Variants in NECTIN3 observed in about 807,000 individuals in gnomAD.
NECTIN3 encodes nectin-3.
A neutral mutation model predicts 49.4 loss-of-function variants in NECTIN3; 8 were observed. That is an observed-to-expected ratio of 0.16 (90% confidence interval 0.10 to 0.29). The LOEUF is 0.29. NECTIN3 is among the 10% of genes least tolerant of loss of function. The pLI, the probability that NECTIN3 is intolerant of heterozygous loss-of-function variation, is 1.00. For missense variants in NECTIN3, 581 were observed against 654.6 expected, an observed-to-expected ratio of 0.89 and a Z score of 1.23; for synonymous variants, 277 against 241.1, an observed-to-expected ratio of 1.15 and a Z score of -1.38.
chr3:111,123,706 A>AT (rs1355509921), intron 4 of NECTIN3, among the ~76,000 whole-genome samples: 3 of 151,352 alleles, frequency 2.0e-5, no homozygotes, highest in Admixed American at 1.3e-4. Flanking sequence ...TGAACTCCAA[A>AT]TTTTTTTTTG....
downstream of NECTIN3, among the ~76,000 whole-genome samples, chr3:111,140,148 A>G: frequency 6.6e-6 from 1 of 151,932 alleles, no homozygotes. Flanking sequence ...TGGAAGAAGT[A>G]GATTGTTTGG....
At chr3:111,126,146 A>G (rs1055803749) in intron 4 of NECTIN3, 38 bp from the exon 5 acceptor site, 8 of 1,437,462 alleles carry the variant, frequency 5.6e-6, no homozygotes, top group Non-Finnish European at 7.4e-6. Context: ...ATATAGTCTG[A>G]AGATATTTAA....
At chr3:111,118,576 A>G in intron 2 of NECTIN3, 80 bp from the exon 3 acceptor site, 1 of 1,277,814 alleles carries the variant, frequency 7.8e-7, no homozygotes, top group Non-Finnish European at 1.1e-6. Flanking sequence ...AGCTTGTGAA[A>G]TATGTTTAGA....
intron 7 of NECTIN3, among the ~76,000 whole-genome samples, chr3:111,175,027 G>A (rs2107528752): frequency 6.6e-6 from 1 of 152,188 alleles, no homozygotes; most frequent in Non-Finnish European, 1.5e-5. Context: ...GATGGATGGG[G>A]AGCTGGCAGC....
At chr3:111,104,267 C>CT (rs1165213840) in intron 1 of NECTIN3, among the ~76,000 whole-genome samples, 1 of 141,428 alleles carries the variant, frequency 7.1e-6, no homozygotes, top group Non-Finnish European at 1.5e-5. Flanking sequence ...TGTTGATCAT[C>CT]TTTTCATGTG....
chr3:111,171,911 TAAAG>T (rs770926850), intron 7 of NECTIN3, among the ~76,000 whole-genome samples: 2 of 152,150 alleles, frequency 1.3e-5, no homozygotes, highest in Admixed American at 6.5e-5. Flanking sequence ...TTTTATGAAA[TAAAG>T]AAACATTGAG....
intron 7 of NECTIN3, among the ~76,000 whole-genome samples, chr3:111,155,915 A>T (rs2035089304): frequency 1.3e-5 from 2 of 152,194 alleles, no homozygotes; most frequent in African/African-American, 4.8e-5. Flanking sequence ...ACCTATTTAC[A>T]TGAAAATACT....
intron 7 of NECTIN3, among the ~76,000 whole-genome samples, chr3:111,159,711 G>A (rs866347078): frequency 9.2e-5 from 14 of 152,158 alleles, no homozygotes; most frequent in Middle Eastern, 3.4e-3. Flanking sequence ...AAAACACTTC[G>A]ATTAACAATT....
chr3:111,150,070 A>T (rs958963775), intron 7 of NECTIN3, among the ~76,000 whole-genome samples: 5 of 152,198 alleles, frequency 3.3e-5, no homozygotes, highest in East Asian at 1.9e-4. Flanking sequence ...AAAATCTGAA[A>T]GAAAATGTAA....
intron 1 of NECTIN3, among the ~76,000 whole-genome samples, chr3:111,080,505 C>G (rs1200637141): frequency 6.6e-6 from 1 of 152,078 alleles, no homozygotes; most frequent in Non-Finnish European, 1.5e-5. Flanking sequence ...ACTACTGTTG[C>G]TTTGCTGCCC....
At chr3:111,138,508 A>G (rs2034653884), downstream of NECTIN3, among the ~76,000 whole-genome samples, 1 of 151,576 alleles carries the variant, frequency 6.6e-6, no homozygotes, top group African/African-American at 2.4e-5. Context: ...TGACTTGAGT[A>G]GTGTTAGGTT....
exon 6 of NECTIN3, chr3:111,144,942 G>A (rs1015732731): frequency 4.6e-6 from 7 of 1,536,032 alleles, no homozygotes; most frequent in Non-Finnish European, 6.1e-6. Context: ...TAGCTGGAGC[G>A]GTAATTGGAG....
At chr3:111,121,913 G>T (rs1391058992) in intron 3 of NECTIN3, among the ~76,000 whole-genome samples, 1 of 152,118 alleles carries the variant, frequency 6.6e-6, no homozygotes, top group Non-Finnish European at 1.5e-5. Context: ...AGAATTGCCT[G>T]TTTGGGGGGT....
Position 111,122,165 on chromosome 3 carries a change from G to C in NECTIN3, c.844G>C (p.Val282Leu), listed in dbSNP as rs1373736360. 2.0e-5 allele frequency: 32 copies of C among 1,613,506 alleles called. No individual in the cohort carries two copies. Among genetic ancestry groups the C allele is most frequent in the Non-Finnish European group, 2.7e-5 (32 of 1,179,620 alleles). ...AACAGGATATGATGGAAATTGGTTT[G>C]TAGGAAGAAAAGGTGTTAATCTCAA... ...SVTGYDGNWF[V>L]GRKGVNLKCN... The change falls in exon 4 of 6, where the codon GTA (valine) becomes CTA (leucine). Residue 282 changes from valine (V) to leucine (L), a missense_variant. By Grantham distance (32) the Val-to-Leu change is conservative. This residue lies in a region of NECTIN3 where 234 missense variants were observed against 340.6 expected (regional missense o/e 0.69). Coordinates refer to ENST00000485303, the MANE Select transcript of NECTIN3 (RefSeq NM_015480.3).
chr3:111,075,680 G>T (rs2031137916), intron 1 of NECTIN3, among the ~76,000 whole-genome samples: 2 of 152,076 alleles, frequency 1.3e-5, no homozygotes, highest in South Asian at 4.1e-4. Flanking sequence ...TCTTAGCCCA[G>T]TGATCTTCAA....
At chr3:111,105,349 T>G (rs1167439486) in intron 1 of NECTIN3, among the ~76,000 whole-genome samples, 1 of 152,012 alleles carries the variant, frequency 6.6e-6, no homozygotes, top group Non-Finnish European at 1.5e-5. Context: ...CCCAGGCTGG[T>G]CTTAAATTCC....
chr3:111,158,877 A>C (rs1347294224), intron 7 of NECTIN3, among the ~76,000 whole-genome samples: 3 of 152,186 alleles, frequency 2.0e-5, no homozygotes, highest in Non-Finnish European at 4.4e-5. Context: ...TATATGAAGA[A>C]GTCTTACAAC....
intron 1 of NECTIN3, among the ~76,000 whole-genome samples, chr3:111,085,862 G>C (rs748721080): frequency 1.3e-5 from 2 of 151,770 alleles, no homozygotes; most frequent in African/African-American, 2.4e-5. Flanking sequence ...TGGTATTGCT[G>C]GTTCATATTA....
chr3:111,110,920 C>T (rs2169644), intron 1 of NECTIN3, among the ~76,000 whole-genome samples: 4,444 of 151,420 alleles, frequency 0.029, 107 homozygotes, highest in Non-Finnish European at 0.045. Context: ...TTTTTTTTAC[C>T]ATATTTGGAT....
Sources: gnomAD v4.1 joint callset for allele counts (sites outside exome capture counted in the v4.1 genomes callset) on GRCh38, gnomAD v4.1.1 for gene constraint, gnomAD v4.1.1 regional missense constraint, MANE v1.5 for transcripts, NCBI Gene and HGNC (gene_info 2026-07-23, HGNC 2026-07-21) for gene names.